The following ANLN variants were observed in gnomAD, a reference collection of about 807,000 sequenced individuals.
The protein encoded by ANLN is anillin, actin binding protein.
Under a neutral mutation model 135.1 loss-of-function variants are expected in ANLN, and 59 were observed. The observed-to-expected ratio is 0.44, with a 90% CI of 0.35 to 0.54. The LOEUF is 0.54. ANLN is among the 20% of genes least tolerant of loss of function. The probability of loss-of-function intolerance (pLI) is 0.00; values close to 1 mark genes in which losing one functional copy is unlikely to be tolerated. For synonymous variants in ANLN, 406 were observed against 456.4 expected (o/e 0.89, Z 1.41); for missense variants, 1,182 against 1,340.0 (o/e 0.88, Z 1.84).
At chr7:36,427,950 G>A (rs896648993) in intron 20 of ANLN, among the ~76,000 whole-genome samples, 1 of 152,078 alleles carries the variant, frequency 6.6e-6, no homozygotes, top group Non-Finnish European at 1.5e-5. Flanking sequence ...GATTTCTGTA[G>A]TGCGAATATA....
chr7:36,419,126 C>A, intron 9 of ANLN, 118 bp from the exon 10 acceptor site: 1 of 668,798 alleles, frequency 1.5e-6, no homozygotes, highest in Non-Finnish European at 2.4e-6. Context: ...TTAGGAGGTG[C>A]TTTTTTTTAA....
In ANLN at chr7:36,423,912, G is replaced by C. The variant is rs573517304; in HGVS notation, c.2572G>C (p.Asp858His). The change falls in exon 15 of 24, where the codon GAT (aspartate) becomes CAT (histidine). Residue 858 changes from aspartate (D) to histidine (H), a missense_variant. Around this residue, in one of 3 missense-constraint regions of ANLN, gnomAD observed 1,022 missense variants for 1,134.0 expected, o/e 0.90. Coordinates refer to ENST00000265748, the MANE Select transcript of ANLN (RefSeq NM_018685.5). ...LASTSNSLNGDALTFTTTFTL... is the reference protein window; with the variant it reads ...LASTSNSLNGHALTFTTTFTL... Reference sequence around the variant, plus strand: ...AAGTACTTCAAACTCTCTTAACGGTGATGCTCTGACATTCACTACTACATT... The same window carrying C: ...AAGTACTTCAAACTCTCTTAACGGTCATGCTCTGACATTCACTACTACATT... 1.2e-5 allele frequency: 20 copies of C among 1,611,832 alleles called. No individual in the cohort carries two copies. In the Admixed American group the frequency reaches 2.5e-4, roughly 20 times the overall value.
rs1257663477 is a variant in ANLN at position 36,402,170 on chromosome 7, G to A, written c.487+2777G>A. Among the ~76,000 whole-genome samples the A allele has an allele frequency of 1.9e-5, 2 of 105,300 alleles. 1 individual carries two copies. The highest frequency in any genetic ancestry group is 8.4e-5 in the African/African-American group (2 of 23,708). 69.1% of individuals were successfully genotyped at this position (105,300 alleles called of 152,430 possible). A position where few individuals can be genotyped will look rare whatever the true frequency, so the allele number is the denominator to read the frequency against. ...TGTGTTTCCCAGGCTGGAGTGCAGTGGCACAATCTTGGCCCACTGCAACTT... is the reference window on the plus strand; with the variant it reads ...TGTGTTTCCCAGGCTGGAGTGCAGTAGCACAATCTTGGCCCACTGCAACTT... On this transcript the variant is annotated intron_variant, in intron 3 of 23. Transcript: ENST00000265748.
At chr7:36,442,699 T>G (rs1037982061) in intron 21 of ANLN, among the ~76,000 whole-genome samples, 1 of 152,102 alleles carries the variant, frequency 6.6e-6, no homozygotes, top group Admixed American at 6.5e-5. Flanking sequence ...TGACGTGATC[T>G]TGGCTCACTG....
chr7:36,431,243 G>A (rs117345063), intron 20 of ANLN, among the ~76,000 whole-genome samples: 40 of 152,118 alleles, frequency 2.6e-4, no homozygotes, highest in African/African-American at 9.4e-4. Flanking sequence ...ATTGTGGATC[G>A]GTTTCAAATT....
Position 36,419,260 on chromosome 7 carries a change from T to C in ANLN, c.1650T>C (p.Ile550=), listed in dbSNP as rs955304359. ...VEQKIEVIRE[I]EMSVDDDDIN... ...ATTTTTCAGAAGTGATACGTGAAAT[T>C]GAGATGAGTGTGGATGATGATGATA... The change falls in exon 10 of 24, where the codon ATT becomes ATC. Residue 550 remains isoleucine (I), a synonymous_variant. Transcript: ENST00000265748. 3 of 1,612,996 alleles carry C rather than the reference T, an allele frequency of 1.9e-6. No individual in the cohort carries two copies. The African/African-American group carries it at 4.0e-5, about 22-fold the overall frequency.
intron 20 of ANLN, among the ~76,000 whole-genome samples, chr7:36,436,768 A>G (rs904355940): frequency 6.6e-6 from 1 of 152,218 alleles, no homozygotes; most frequent in Non-Finnish European, 1.5e-5. Context: ...TGTATCTTTG[A>G]AGAAATGTCT....
At chr7:36,431,242 C>T (rs190423033) in intron 20 of ANLN, among the ~76,000 whole-genome samples, 11 of 152,086 alleles carry the variant, frequency 7.2e-5, no homozygotes, top group East Asian at 1.9e-4. Flanking sequence ...CATTGTGGAT[C>T]GGTTTCAAAT....
At chr7:36,451,534 C>G (rs962829300) in intron 23 of ANLN, among the ~76,000 whole-genome samples, 11 of 152,130 alleles carry the variant, frequency 7.2e-5, no homozygotes, top group African/African-American at 2.2e-4. Context: ...TTTTTATTAG[C>G]CTCTTGAACC....
chr7:36,396,896 T>C (rs1482133159), intron 2 of ANLN, among the ~76,000 whole-genome samples: 1 of 152,232 alleles, frequency 6.6e-6, no homozygotes, highest in South Asian at 2.1e-4. Flanking sequence ...AAAGTTTAGG[T>C]TGTTAATCTC....
At position 36,399,063 on chromosome 7, in the gene ANLN, A is replaced by G. The variant is rs181560875; in HGVS notation, c.173-16A>G. The stretch of plus-strand genomic sequence containing the variant: ...ATTACAAATTTGAATGTCTTTTTTC[A>G]TCGTTTTTAATGTAGAGAAATCTTG... On this transcript the variant is annotated splice_polypyrimidine_tract_variant and intron_variant, in intron 2 of 23. Coordinates refer to ENST00000265748, the MANE Select transcript of ANLN (RefSeq NM_018685.5). The G allele has an allele frequency of 9.0e-4, 1,404 of 1,568,450 alleles. 17 individuals carry two copies. In the South Asian group the frequency reaches 0.011, roughly 12 times the overall value.
At chr7:36,431,900 G>A (rs1383593635) in intron 20 of ANLN, among the ~76,000 whole-genome samples, 4 of 151,622 alleles carry the variant, frequency 2.6e-5, no homozygotes, top group Non-Finnish European at 5.9e-5. Context: ...CCAGAATAGG[G>A]CACTTTTATC....
chr7:36,422,596 G>A lies in ANLN; in HGVS notation c.2300-37G>A, dbSNP rs2302526. ...ATTTGCTCTCATTAGAAACAGTTAC[G>A]ATTTTAATATTTGGAATATTGCGTT... is the stretch of plus-strand genomic sequence containing the variant. On this transcript the variant is annotated intron_variant, in intron 13 of 23. Transcript: ENST00000265748. The A allele has an allele frequency of 0.24, 368,704 of 1,535,638 alleles. 45,461 individuals carry two copies. The highest frequency in any genetic ancestry group is 0.41 in the East Asian group (17,825 of 43,748).
At chr7:36,420,445 G>T in intron 11 of ANLN, 131 bp downstream of exon 11, 1 of 1,326,276 alleles carries the variant, frequency 7.5e-7, no homozygotes, top group Non-Finnish European at 1.0e-6. Flanking sequence ...ACTTTTGTTA[G>T]CCTCTCTTTC....
intron 20 of ANLN, among the ~76,000 whole-genome samples, chr7:36,433,104 T>C (rs762799702): frequency 6.6e-6 from 1 of 152,220 alleles, no homozygotes; most frequent in Non-Finnish European, 1.5e-5. Context: ...TGTGAACTAC[T>C]GTGCCCAGCC....
chr7:36,439,422 A>T (rs1788674433), intron 21 of ANLN, 132 bp downstream of exon 21: 2 of 594,720 alleles, frequency 3.4e-6, no homozygotes, highest in Admixed American at 3.1e-5. Flanking sequence ...TATGTCCTTT[A>T]TATGCCAATC....
intron 3 of ANLN, among the ~76,000 whole-genome samples, chr7:36,405,823 T>C (rs1787163321): frequency 6.6e-6 from 1 of 152,224 alleles, no homozygotes; most frequent in Non-Finnish European, 1.5e-5. Flanking sequence ...TGTACAGCAA[T>C]GGTCTAATCC....
At position 36,425,679 on chromosome 7, in the gene ANLN, T is replaced by C. The variant is rs1465132521; in HGVS notation, c.2710-23T>C. ...CATAATGTTTAATAAGAAATATATA[T>C]AGTAAGCTATCTTTTCTTTTAGGCT... On this transcript the variant is annotated intron_variant, in intron 17 of 23. Transcript: ENST00000265748. The C allele has an allele frequency of 2.3e-5, 36 of 1,553,180 alleles. 1 individual carries two copies. In the South Asian group the frequency reaches 3.8e-4, roughly 16 times the overall value.
chr7:36,427,203 T>TC (rs1788118036), intron 20 of ANLN, among the ~76,000 whole-genome samples, 175 bp downstream of exon 20: 1 of 151,940 alleles, frequency 6.6e-6, no homozygotes, highest in African/African-American at 2.4e-5. Context: ...TTTTTTTTTT[T>TC]TGTCTTGGAA....
Sources: gnomAD v4.1 joint callset for allele counts (sites outside exome capture counted in the v4.1 genomes callset) on GRCh38, gnomAD v4.1.1 for gene constraint, gnomAD v4.1.1 regional missense constraint, MANE v1.5 for transcripts, NCBI Gene and HGNC (gene_info 2026-07-23, HGNC 2026-07-21) for gene names.